The following FRMPD4 variants were observed in gnomAD, a reference collection of about 807,000 sequenced individuals.
FRMPD4 encodes FERM and PDZ domain containing 4, also known as FERM and PDZ domain-containing protein 4.
A neutral mutation model predicts 94.1 loss-of-function variants in FRMPD4; 22 were observed. The observed-to-expected ratio is 0.23, with a 90% CI of 0.17 to 0.33. The LOEUF is 0.33. FRMPD4 is among the 10% of genes least tolerant of loss of function. FRMPD4 has a pLI of 1.00. For synonymous variants in FRMPD4, 631 were observed against 548.6 expected (o/e 1.15, Z -2.10); for missense variants, 1,111 against 1,339.9 (o/e 0.83, Z 2.67).
intron 1 of FRMPD4, among the ~76,000 whole-genome samples, chrX:12,234,942 C>T (rs1014718973): frequency 9.0e-6 from 1 of 111,437 alleles, no homozygotes; most frequent in African/African-American, 3.3e-5. Flanking sequence ...AATGATCTGC[C>T]CTTGTGGTAT....
At chrX:11,829,021 A>G (rs184642813) in intron 1 of FRMPD4, among the ~76,000 whole-genome samples, 1 of 112,334 alleles carries the variant, frequency 8.9e-6, no homozygotes, top group East Asian at 2.8e-4. Context: ...CCCAACTTGA[A>G]GGCAGCCAGG....
intron 1 of FRMPD4, among the ~76,000 whole-genome samples, chrX:12,230,608 G>A (rs1297260866): frequency 2.5e-4 from 27 of 109,716 alleles, no homozygotes; most frequent in Non-Finnish European, 3.8e-5. Flanking sequence ...CATGTATAGT[G>A]ATACCAGGTG....
chrX:11,839,708 T>C (rs1261369528), intron 1 of FRMPD4, among the ~76,000 whole-genome samples: 2 of 111,802 alleles, frequency 1.8e-5, no homozygotes, highest in Non-Finnish European at 3.8e-5. Context: ...TCTGAGTTAA[T>C]TTTCATGTGT....
chrX:12,092,485 G>A (rs2055161745), intron 3 of FRMPD4, among the ~76,000 whole-genome samples: 1 of 111,437 alleles, frequency 9.0e-6, no homozygotes, highest in African/African-American at 3.3e-5. Flanking sequence ...AGTCTGCCTT[G>A]AGATGGAGCT....
chrX:12,054,438 C>T (rs1406388429), intron 3 of FRMPD4, among the ~76,000 whole-genome samples: 1 of 111,421 alleles, frequency 9.0e-6, no homozygotes, highest in Non-Finnish European at 1.9e-5. Context: ...TTTGAGTCAT[C>T]ATGGCACCTC....
intron 3 of FRMPD4, among the ~76,000 whole-genome samples, chrX:11,951,681 C>A (rs2054224511): frequency 8.9e-6 from 1 of 111,900 alleles, no homozygotes; most frequent in South Asian, 3.8e-4. Context: ...ATCTGTACAA[C>A]AAACCCCCAT....
intron 2 of FRMPD4, among the ~76,000 whole-genome samples, chrX:12,528,319 G>GTTTTTTTTTTTTTTTTT (rs62720861): frequency 1.4e-5 from 1 of 73,866 alleles, no homozygotes; most frequent in Non-Finnish European, 2.5e-5. Context: ...TTTTGTTTTT[G>GTTTTTTTTTTTTTTTTT]TTTTTTTTTT....
chrX:11,987,931 T>A (rs760368048), intron 3 of FRMPD4, among the ~76,000 whole-genome samples: 2 of 111,028 alleles, frequency 1.8e-5, no homozygotes, highest in East Asian at 5.7e-4. Context: ...ATTTGAAAAA[T>A]TGAAGAAGAC....
At chrX:12,144,207 A>C (rs1313156228) in intron 1 of FRMPD4, among the ~76,000 whole-genome samples, 1 of 112,162 alleles carries the variant, frequency 8.9e-6, no homozygotes, top group Non-Finnish European at 1.9e-5. Flanking sequence ...TAGTCAGAGG[A>C]ATGGAGGTAG....
chrX:12,022,925 C>A (rs1380521922), intron 3 of FRMPD4, among the ~76,000 whole-genome samples: 1 of 110,903 alleles, frequency 9.0e-6, no homozygotes, highest in Non-Finnish European at 1.9e-5. Context: ...GACTTGAAAC[C>A]ATCAGTTCAA....
At chrX:12,387,604 A>C (rs1337245168) in intron 1 of FRMPD4, among the ~76,000 whole-genome samples, 1 of 111,767 alleles carries the variant, frequency 8.9e-6, no homozygotes, top group Non-Finnish European at 1.9e-5. Flanking sequence ...ATCTTGCCGG[A>C]AATCCCTCTT....
intron 1 of FRMPD4, among the ~76,000 whole-genome samples, chrX:12,158,269 T>C (rs1244114057): frequency 1.8e-5 from 2 of 111,730 alleles, no homozygotes; most frequent in Admixed American, 9.6e-5. Flanking sequence ...GTTGTAAACA[T>C]CCTACCAGAA....
intron 1 of FRMPD4, among the ~76,000 whole-genome samples, chrX:12,230,577 A>G (rs778450250): frequency 1.4e-3 from 150 of 109,913 alleles, no homozygotes; most frequent in African/African-American, 4.2e-3. Flanking sequence ...GAGGGCCTCA[A>G]TGTCTGAAAA....
intron 1 of FRMPD4, among the ~76,000 whole-genome samples, chrX:12,195,946 G>A (rs752916962): frequency 1.9e-4 from 21 of 111,898 alleles, no homozygotes; most frequent in Non-Finnish European, 3.2e-4. Flanking sequence ...AGGGAAACCC[G>A]ATGAATGTTT....
At chrX:11,911,092 G>C (rs1016198192) in intron 3 of FRMPD4, among the ~76,000 whole-genome samples, 1 of 112,156 alleles carries the variant, frequency 8.9e-6, no homozygotes, top group African/African-American at 3.2e-5. Context: ...TTGCCATCTC[G>C]ATCTCAGCTA....
At chrX:11,865,335 A>T (rs1348294060) in intron 2 of FRMPD4, among the ~76,000 whole-genome samples, 1 of 111,953 alleles carries the variant, frequency 8.9e-6, no homozygotes, top group Non-Finnish European at 1.9e-5. Flanking sequence ...TATAATTAGG[A>T]TGGTATTGTT....
intron 4 of FRMPD4, among the ~76,000 whole-genome samples, chrX:12,643,782 G>T (rs2059521674): frequency 8.9e-6 from 1 of 111,997 alleles, no homozygotes; most frequent in South Asian, 3.8e-4. Flanking sequence ...AAGTTCCTCA[G>T]AGTTCTCCAT....
At chrX:12,662,251 T>A (rs1040399601) in intron 4 of FRMPD4, among the ~76,000 whole-genome samples, 8 of 110,814 alleles carry the variant, frequency 7.2e-5, no homozygotes, top group African/African-American at 2.6e-4. Context: ...GTGCAGAATG[T>A]GCAGGTTTGT....
chrX:12,568,619 T>C (rs776809560), intron 2 of FRMPD4, among the ~76,000 whole-genome samples: 1 of 112,326 alleles, frequency 8.9e-6, no homozygotes, highest in East Asian at 2.8e-4. Context: ...CATTGATATC[T>C]TGTGGGCAAT....
Sources: allele counts gnomAD v4.1 joint callset (sites outside exome capture counted in the v4.1 genomes callset), GRCh38; gene constraint gnomAD v4.1.1; transcripts MANE v1.5; gene names NCBI Gene and HGNC (gene_info 2026-07-23, HGNC 2026-07-21).